The following GUCY1A2 variants were observed in gnomAD, a reference collection of about 807,000 sequenced individuals.
The protein encoded by GUCY1A2 is guanylate cyclase soluble subunit alpha-2.
Under a neutral mutation model 63.5 loss-of-function variants are expected in GUCY1A2, and 27 were observed. The ratio of observed to expected loss-of-function variants is 0.43; its 90% CI spans 0.31 to 0.59. The LOEUF is 0.59. Ranked by LOEUF, GUCY1A2 falls within the 20% of genes least tolerant of loss-of-function variation. The pLI is 0.11. For missense variants in GUCY1A2, 768 were observed against 913.3 expected, an observed-to-expected ratio of 0.84 and a Z score of 2.05; for synonymous variants, 364 against 343.5, an observed-to-expected ratio of 1.06 and a Z score of -0.66.
At chr11:106,701,300 C>A (rs1292150183) in intron 7 of GUCY1A2, among the ~76,000 whole-genome samples, 1 of 151,912 alleles carries the variant, frequency 6.6e-6, no homozygotes, top group East Asian at 1.9e-4. Flanking sequence ...CATTTCAGAG[C>A]TAGAGACAGA....
chr11:106,725,763 G>A (rs972383323), intron 6 of GUCY1A2, among the ~76,000 whole-genome samples: 6 of 152,066 alleles, frequency 3.9e-5, no homozygotes, highest in Non-Finnish European at 8.8e-5. Flanking sequence ...TAAATTATGA[G>A]CTTAAAAGTA....
At chr11:106,789,730 A>C (rs541782635) in intron 5 of GUCY1A2, among the ~76,000 whole-genome samples, 91 of 152,338 alleles carry the variant, frequency 6.0e-4, no homozygotes, top group Non-Finnish European at 1.0e-3. Flanking sequence ...ACCCAAGCCC[A>C]GTAATGCTGT....
intron 4 of GUCY1A2, among the ~76,000 whole-genome samples, chr11:106,914,531 G>A (rs1050283412): frequency 5.9e-5 from 9 of 151,388 alleles, no homozygotes; most frequent in Non-Finnish European, 8.8e-5. Context: ...GCCATGCTAC[G>A]TCCAGTAAGT....
intron 3 of GUCY1A2, among the ~76,000 whole-genome samples, chr11:106,969,323 C>T (rs1226366026): frequency 1.3e-5 from 2 of 152,134 alleles, no homozygotes; most frequent in Non-Finnish European, 2.9e-5. Context: ...TAACTCTAAT[C>T]TTACTTAAAT....
chr11:106,812,546 A>G (rs1223146993), intron 4 of GUCY1A2, among the ~76,000 whole-genome samples: 1 of 151,744 alleles, frequency 6.6e-6, no homozygotes, highest in Non-Finnish European at 1.5e-5. Context: ...TACCATCACA[A>G]CTAGACCTTA....
intron 4 of GUCY1A2, among the ~76,000 whole-genome samples, chr11:106,852,851 G>A (rs1056086546): frequency 6.6e-6 from 1 of 152,024 alleles, no homozygotes; most frequent in Non-Finnish European, 1.5e-5. Context: ...CCTTCTATTT[G>A]ATTCTCTGGA....
At chr11:106,830,176 G>A (rs190774756) in intron 4 of GUCY1A2, among the ~76,000 whole-genome samples, 3 of 152,272 alleles carry the variant, frequency 2.0e-5, no homozygotes, top group African/African-American at 7.2e-5. Context: ...TTGATTTCAT[G>A]TCAGCATTTA....
At chr11:106,765,778 T>G (rs1864151877) in intron 6 of GUCY1A2, among the ~76,000 whole-genome samples, 1 of 152,178 alleles carries the variant, frequency 6.6e-6, no homozygotes, top group Non-Finnish European at 1.5e-5. Flanking sequence ...TATTTGCATA[T>G]ATTTTGGAAT....
chr11:106,986,717 C>T (rs1861406492), intron 1 of GUCY1A2, among the ~76,000 whole-genome samples: 1 of 152,090 alleles, frequency 6.6e-6, no homozygotes, highest in African/African-American at 2.4e-5. Flanking sequence ...GGATGGGAAG[C>T]AGGTGATCCA....
intron 4 of GUCY1A2, among the ~76,000 whole-genome samples, chr11:106,926,157 C>T (rs1860518301): frequency 6.6e-6 from 1 of 152,118 alleles, no homozygotes; most frequent in Non-Finnish European, 1.5e-5. Flanking sequence ...CAGTGGTTCA[C>T]GTCTATAATC....
At chr11:106,876,457 G>C (rs1229332945) in intron 4 of GUCY1A2, among the ~76,000 whole-genome samples, 1 of 152,016 alleles carries the variant, frequency 6.6e-6, no homozygotes, top group African/African-American at 2.4e-5. Flanking sequence ...GAAATGCATT[G>C]TATCCAACAT....
chr11:106,759,993 C>T (rs932642560), intron 6 of GUCY1A2, among the ~76,000 whole-genome samples: 2 of 152,158 alleles, frequency 1.3e-5, no homozygotes, highest in South Asian at 2.1e-4. Context: ...AGGGAGAATG[C>T]CATGTAAAGA....
chr11:106,858,965 A>G (rs899499868), intron 4 of GUCY1A2, among the ~76,000 whole-genome samples: 3 of 152,062 alleles, frequency 2.0e-5, no homozygotes, highest in East Asian at 3.9e-4. Flanking sequence ...GGGCCATTCA[A>G]TAATTCTGGA....
chr11:106,925,539 C>T (rs1860510141), intron 4 of GUCY1A2, among the ~76,000 whole-genome samples: 1 of 152,104 alleles, frequency 6.6e-6, no homozygotes, highest in African/African-American at 2.4e-5. Flanking sequence ...GGAATAAATA[C>T]TTAGATGATC....
At chr11:106,902,759 G>A (rs1331352606) in intron 4 of GUCY1A2, among the ~76,000 whole-genome samples, 1 of 152,058 alleles carries the variant, frequency 6.6e-6, no homozygotes, top group Non-Finnish European at 1.5e-5. Context: ...CTATTTCCTT[G>A]TCATTGTTCC....
chr11:106,788,096 C>G (rs1331028582), intron 5 of GUCY1A2, among the ~76,000 whole-genome samples: 3 of 152,074 alleles, frequency 2.0e-5, no homozygotes, highest in African/African-American at 7.2e-5. Context: ...AGGTGAGATG[C>G]TATTGTATTG....
At chr11:106,757,877 G>A (rs950854452) in intron 6 of GUCY1A2, among the ~76,000 whole-genome samples, 1 of 152,220 alleles carries the variant, frequency 6.6e-6, no homozygotes, top group African/African-American at 2.4e-5. Context: ...GAGCTCGAAT[G>A]TGGTGTTGGG....
Position 106,770,403 on chromosome 11 carries a change from G to A in GUCY1A2, c.1836+6036C>T, listed in dbSNP as rs183096771. On this transcript the variant is annotated intron_variant, in intron 6 of 7. Coordinates refer to ENST00000526355, the MANE Select transcript of GUCY1A2 (RefSeq NM_000855.3). ...TTTTTGACCCACAGTTGGCTGAATCGGAGGATGCAGAACTCATGGATATGG... is the reference window on the plus strand; with the variant it reads ...TTTTTGACCCACAGTTGGCTGAATCAGAGGATGCAGAACTCATGGATATGG... 5.3e-5 allele frequency among the ~76,000 whole-genome samples: 8 copies of A among 152,194 alleles called. No homozygotes were observed. In the East Asian group the frequency reaches 5.8e-4, roughly 11 times the overall value.
At chr11:107,003,429 A>G (rs909131234) in intron 1 of GUCY1A2, among the ~76,000 whole-genome samples, 1 of 152,096 alleles carries the variant, frequency 6.6e-6, no homozygotes, top group African/African-American at 2.4e-5. Context: ...TTCTTTCTGT[A>G]TATTTCCCCC....
Sources: allele counts gnomAD v4.1 joint callset (sites outside exome capture counted in the v4.1 genomes callset), GRCh38; gene constraint gnomAD v4.1.1; transcripts MANE v1.5; gene names NCBI Gene and HGNC (gene_info 2026-07-23, HGNC 2026-07-21).